Variants in PTN observed in about 807,000 individuals in gnomAD.
The protein encoded by PTN is heparin affin regulatory protein.
In PTN, 18 loss-of-function variants were observed where a neutral mutation model predicts 24.1. That is an observed-to-expected ratio of 0.75 (90% CI 0.52 to 1.11). PTN has a LOEUF of 1.11. Ranked by LOEUF, PTN falls within the 50% of genes least tolerant of loss-of-function variation. PTN has a pLI of 0.00. For missense variants in PTN, 163 were observed against 198.8 expected, an observed-to-expected ratio of 0.82 and a Z score of 1.08; for synonymous variants, 78 against 68.6, an observed-to-expected ratio of 1.14 and a Z score of -0.67.
intron 4 of PTN, among the ~76,000 whole-genome samples, chr7:137,250,744 A>G (rs1808809811): frequency 6.6e-6 from 1 of 152,242 alleles, no homozygotes; most frequent in Non-Finnish European, 1.5e-5. Flanking sequence ...CTCAAAAAAT[A>G]TAAAGGCTCT....
intron 1 of PTN, among the ~76,000 whole-genome samples, chr7:137,332,732 C>T (rs1303692553): frequency 6.6e-6 from 1 of 152,092 alleles, no homozygotes; most frequent in Non-Finnish European, 1.5e-5. Flanking sequence ...GAGGAGCTGA[C>T]TTGACCCTTG....
At chr7:137,283,836 T>A (rs1244469324) in intron 1 of PTN, among the ~76,000 whole-genome samples, 1 of 152,096 alleles carries the variant, frequency 6.6e-6, no homozygotes, top group Admixed American at 6.5e-5. Context: ...ACAAGGTCAT[T>A]TGGACCTCAT....
At chr7:137,339,316 A>G (rs1379405366) in intron 1 of PTN, among the ~76,000 whole-genome samples, 1 of 152,122 alleles carries the variant, frequency 6.6e-6, no homozygotes, top group Non-Finnish European at 1.5e-5. Context: ...ACCATGTTCT[A>G]TTTCTTAAAC....
chr7:137,323,799 T>C (rs562755225), intron 1 of PTN, among the ~76,000 whole-genome samples: 1 of 152,164 alleles, frequency 6.6e-6, no homozygotes, highest in East Asian at 1.9e-4. Context: ...ACCCTCAGAG[T>C]CTGGGGTACT....
intron 1 of PTN, among the ~76,000 whole-genome samples, chr7:137,324,433 A>AATATATAT (rs71176396): frequency 4.4e-4 from 39 of 88,716 alleles, no homozygotes; most frequent in African/African-American, 1.9e-3. Flanking sequence ...AAAAAAAAAA[A>AATATATAT]ATATATATAT....
intron 1 of PTN, among the ~76,000 whole-genome samples, chr7:137,303,465 T>C (rs1809837393): frequency 6.6e-6 from 1 of 151,956 alleles, no homozygotes; most frequent in South Asian, 2.1e-4. Context: ...TTAAGATTAT[T>C]TGATATAAAC....
At chr7:137,235,957 A>G (rs1450264479) in intron 4 of PTN, among the ~76,000 whole-genome samples, 4 of 151,862 alleles carry the variant, frequency 2.6e-5, no homozygotes, top group Non-Finnish European at 5.9e-5. Context: ...TGTCCCCCCC[A>G]CTCACTTTGG....
intron 3 of PTN, 118 bp downstream of exon 3, chr7:137,253,346 G>T: frequency 9.1e-7 from 1 of 1,099,372 alleles, no homozygotes; most frequent in Non-Finnish European, 1.3e-6. Flanking sequence ...TGGTCACTTT[G>T]TGTCTGGTAA....
chr7:137,281,088 C>T (rs1007835269), intron 1 of PTN, among the ~76,000 whole-genome samples: 2 of 151,988 alleles, frequency 1.3e-5, no homozygotes, highest in Non-Finnish European at 2.9e-5. Flanking sequence ...GAGACTATTT[C>T]TTGACTACTG....
chr7:137,288,009 G>C (rs768911093), intron 1 of PTN, among the ~76,000 whole-genome samples: 17 of 152,220 alleles, frequency 1.1e-4, no homozygotes, highest in Non-Finnish European at 2.4e-4. Context: ...CAGCAAAGAG[G>C]ATAACCTTGA....
intron 1 of PTN, among the ~76,000 whole-genome samples, chr7:137,282,615 C>G (rs2128876212): frequency 6.6e-6 from 1 of 152,100 alleles, no homozygotes; most frequent in Non-Finnish European, 1.5e-5. Context: ...GTAACTAAAA[C>G]AAGAAAATAC....
intron 1 of PTN, among the ~76,000 whole-genome samples, chr7:137,310,761 T>C (rs912677564): frequency 1.2e-4 from 19 of 152,202 alleles, no homozygotes; most frequent in Admixed American, 2.6e-4. Flanking sequence ...GTAGTCGCCT[T>C]TATCAATGAT....
At chr7:137,339,359 G>A (rs1418900960) in intron 1 of PTN, among the ~76,000 whole-genome samples, 2 of 151,842 alleles carry the variant, frequency 1.3e-5, no homozygotes, top group South Asian at 4.2e-4. Flanking sequence ...GTAGTATTAG[G>A]CATCCAACAT....
intron 1 of PTN, among the ~76,000 whole-genome samples, chr7:137,264,972 AT>A (rs34878730): frequency 0.14 from 17,518 of 124,880 alleles, 1,086 homozygotes; most frequent in African/African-American, 0.18. Flanking sequence ...TCCAACTGCC[AT>A]TTTTTTTTTT....
chr7:137,298,442 C>T (rs1252682515), intron 1 of PTN, among the ~76,000 whole-genome samples: 2 of 151,750 alleles, frequency 1.3e-5, no homozygotes, highest in African/African-American at 4.8e-5. Flanking sequence ...GATCCTTCCA[C>T]AGGTTTTAAC....
chr7:137,274,033 GCACA>G (rs10555048), intron 1 of PTN, among the ~76,000 whole-genome samples: 28 of 149,832 alleles, frequency 1.9e-4, no homozygotes, highest in South Asian at 8.5e-4. Flanking sequence ...TTTCAGAAGC[GCACA>G]CACACACACA....
At chr7:137,235,453 G>A (rs1808502969) in intron 4 of PTN, among the ~76,000 whole-genome samples, 1 of 152,120 alleles carries the variant, frequency 6.6e-6, no homozygotes, top group South Asian at 2.1e-4. Flanking sequence ...GTTTAAATGA[G>A]TAGCATAAAT....
chr7:137,330,615 G>A (rs910127714), intron 1 of PTN, among the ~76,000 whole-genome samples: 2 of 152,160 alleles, frequency 1.3e-5, no homozygotes, highest in African/African-American at 4.8e-5. Flanking sequence ...ACGGTAGAAA[G>A]GTTTATGGAA....
intron 1 of PTN, among the ~76,000 whole-genome samples, chr7:137,259,367 C>A (rs758574729): frequency 1.1e-4 from 16 of 152,054 alleles, no homozygotes; most frequent in Middle Eastern, 3.4e-3. Context: ...GGAGGCAAAA[C>A]CTTTGGCTCA....
Sources: allele counts gnomAD v4.1 joint callset (sites outside exome capture counted in the v4.1 genomes callset), GRCh38; gene constraint gnomAD v4.1.1; transcripts MANE v1.5; gene names NCBI Gene and HGNC (gene_info 2026-07-23, HGNC 2026-07-21).